Variants in PIAS2 observed in about 807,000 individuals in gnomAD.
The protein encoded by PIAS2 is protein inhibitor of activated STAT 2, also known as E3 SUMO-protein ligase PIAS2.
In PIAS2, 19 loss-of-function variants were observed where a neutral mutation model predicts 69.7. That is an observed-to-expected ratio of 0.27 (90% CI 0.19 to 0.40). The LOEUF (loss-of-function observed/expected upper bound fraction) is 0.40. Ranked by LOEUF, PIAS2 falls within the 10% of genes least tolerant of loss-of-function variation. The probability of loss-of-function intolerance (pLI) is 1.00; values close to 1 mark genes in which losing one functional copy is unlikely to be tolerated. For synonymous variants in PIAS2, 261 were observed against 263.2 expected, an observed-to-expected ratio of 0.99 and a Z score of 0.08; for missense variants, 624 against 757.0, an observed-to-expected ratio of 0.82 and a Z score of 2.06.
In PIAS2 at chr18:46,846,803, C is replaced by G. The variant is rs758183914; in HGVS notation, c.765G>C (p.Lys255Asn). The G allele has an allele frequency of 1.9e-6, 3 of 1,611,860 alleles. No individual in the cohort carries two copies. In the African/African-American group the frequency reaches 4.0e-5, roughly 22 times the overall value. ...TAATATTCAAGGGGCGTCCAGGGCG[C>G]TTCTGTTCAATCCCATTTTTAGGCG... is the stretch of plus-strand genomic sequence containing the variant. ...APPPKNGIEQ[K>N]RPGRPLNITS... The change falls in exon 6 of 14, where the codon AAG (lysine) becomes AAC (asparagine). Residue 255 changes from lysine (K) to asparagine (N), a missense_variant. Lys to Asn is a moderately conservative substitution (Grantham distance 94). This residue lies in a region of PIAS2 where 339 missense variants were observed against 408.8 expected (regional missense o/e 0.83). Coordinates refer to ENST00000585916, the MANE Select transcript of PIAS2 (RefSeq NM_004671.5).
chr18:46,864,388 T>A, intron 2 of PIAS2, 140 bp from the exon 3 acceptor site: 1 of 600,984 alleles, frequency 1.7e-6, no homozygotes, highest in Non-Finnish European at 2.9e-6. Flanking sequence ...AATCAGGAAG[T>A]ACTAAACTGC....
chr18:46,899,474 T>A (rs1366695389), intron 1 of PIAS2, among the ~76,000 whole-genome samples: 1 of 151,890 alleles, frequency 6.6e-6, no homozygotes, highest in African/African-American at 2.4e-5. Context: ...GAGGAATGAG[T>A]TATTTGTTGC....
intron 8 of PIAS2, among the ~76,000 whole-genome samples, chr18:46,840,140 G>A (rs2045139338): frequency 6.6e-6 from 1 of 151,654 alleles, no homozygotes; most frequent in South Asian, 2.1e-4. Context: ...CAGCCTGGAT[G>A]ACAGAGCAAG....
At chr18:46,877,575 T>G (rs1026150861) in intron 2 of PIAS2, among the ~76,000 whole-genome samples, 6 of 152,134 alleles carry the variant, frequency 3.9e-5, no homozygotes, top group African/African-American at 1.4e-4. Flanking sequence ...CCCAAACACG[T>G]CTTGTACCGT....
intron 13 of PIAS2, among the ~76,000 whole-genome samples, chr18:46,813,069 C>A (rs1009919192): frequency 1.3e-5 from 2 of 152,222 alleles, no homozygotes; most frequent in Non-Finnish European, 1.5e-5. Flanking sequence ...CAAACAGATC[C>A]TTTATGAATG....
chr18:46,870,308 G>A (rs1444697745), intron 2 of PIAS2, among the ~76,000 whole-genome samples: 1 of 152,090 alleles, frequency 6.6e-6, no homozygotes, highest in Non-Finnish European at 1.5e-5. Flanking sequence ...TAGCTCAGAA[G>A]TTCGAAATTT....
intron 3 of PIAS2, among the ~76,000 whole-genome samples, chr18:46,862,210 A>C (rs2048766718): frequency 6.6e-6 from 1 of 152,144 alleles, no homozygotes; most frequent in Non-Finnish European, 1.5e-5. Flanking sequence ...ACCTGCCTGT[A>C]GTCACAGCTA....
rs576566075 is a variant in PIAS2 at position 46,875,919 on chromosome 18, CTT to C, written c.500-11673_500-11672del. Among the ~76,000 whole-genome samples the C allele has an allele frequency of 1.3e-3, 198 of 152,340 alleles. 1 individual carries two copies. The highest frequency in any genetic ancestry group is 2.2e-3 in the Non-Finnish European group (152 of 68,028). ...GGTAATGAATTATGCCAAGCTCTCTCTTGGCTATTCCCTGAAGTTCGGCACCC... is the reference window on the plus strand; with the variant it reads ...GGTAATGAATTATGCCAAGCTCTCTCGGCTATTCCCTGAAGTTCGGCACCC... On this transcript the variant is annotated intron_variant, in intron 2 of 13. Transcript: ENST00000585916.
rs1284976418 is a variant in PIAS2 at position 46,810,630 on chromosome 18, C to T, written c.*1803G>A. On this transcript the variant is annotated 3_prime_UTR_variant, in exon 14 of 14. Coordinates refer to ENST00000585916, the MANE Select transcript of PIAS2 (RefSeq NM_004671.5). ...AAGCAGCCCCCACAAAGGGATAATC[C>T]ATTGAATAAGGAGACAATGTAGCCA... The T allele has an allele frequency of 1.3e-5, 2 of 151,464 alleles. No individual in the cohort carries two copies. The highest frequency in any genetic ancestry group is 4.8e-5 in the African/African-American group (2 of 41,238). 9.4% of individuals were successfully genotyped at this position (151,464 alleles called of 1,614,324 possible). A position where few individuals can be genotyped will look rare whatever the true frequency, so the allele number is the denominator to read the frequency against.
chr18:46,915,932 G>T (rs1374606619), intron 1 of PIAS2, among the ~76,000 whole-genome samples: 1 of 152,148 alleles, frequency 6.6e-6, no homozygotes, highest in Admixed American at 6.5e-5. Context: ...TTACAGAGGT[G>T]AGGTTCAGGG....
At chr18:46,888,192 T>C (rs2053507307) in intron 2 of PIAS2, among the ~76,000 whole-genome samples, 1 of 152,066 alleles carries the variant, frequency 6.6e-6, no homozygotes, top group African/African-American at 2.4e-5. Context: ...TGCTGAAAGA[T>C]ATTAAAGAAC....
chr18:46,890,552 A>G, intron 2 of PIAS2, 28 bp downstream of exon 2: 1 of 1,359,148 alleles, frequency 7.4e-7, no homozygotes, highest in Non-Finnish European at 1.0e-6. Flanking sequence ...TATCTTGTTC[A>G]GAAGAAACTG....
At chr18:46,854,918 T>A (rs2047517357) in intron 5 of PIAS2, among the ~76,000 whole-genome samples, 1 of 152,024 alleles carries the variant, frequency 6.6e-6, no homozygotes, top group African/African-American at 2.4e-5. Flanking sequence ...TCAACTATGC[T>A]GTTTGATATG....
chr18:46,917,535 G>A, upstream of PIAS2: 3 of 1,145,222 alleles, frequency 2.6e-6, no homozygotes, highest in Non-Finnish European at 3.2e-6. Flanking sequence ...CGCCTCCGAC[G>A]CGCCGAAGCC....
intron 13 of PIAS2, among the ~76,000 whole-genome samples, chr18:46,814,874 A>T (rs2041346696): frequency 6.6e-6 from 1 of 152,210 alleles, no homozygotes; most frequent in Admixed American, 6.5e-5. Flanking sequence ...GCCTCCCCAA[A>T]GTCCAAATCT....
chr18:46,866,295 T>C (rs1209644679), intron 2 of PIAS2, among the ~76,000 whole-genome samples: 3 of 152,192 alleles, frequency 2.0e-5, no homozygotes, highest in African/African-American at 4.8e-5. Context: ...TTGATTAATC[T>C]TGAAAGCAAC....
chr18:46,863,344 TG>T (rs1277870386), intron 3 of PIAS2, among the ~76,000 whole-genome samples: 12 of 152,170 alleles, frequency 7.9e-5, no homozygotes, highest in African/African-American at 2.7e-4. Flanking sequence ...TTTTTTCAGA[TG>T]GGGTCTCGCT....
chr18:46,820,232 GGCA>G (rs1217705020), intron 12 of PIAS2, among the ~76,000 whole-genome samples: 2 of 151,934 alleles, frequency 1.3e-5, no homozygotes, highest in Non-Finnish European at 2.9e-5. Flanking sequence ...ACTTAATAAT[GGCA>G]CCAAAGTGAT....
chr18:46,855,693 G>T (rs1393818826), intron 3 of PIAS2, 78 bp from the exon 4 acceptor site: 1 of 1,066,464 alleles, frequency 9.4e-7, no homozygotes. Flanking sequence ...AGGAAAAAAA[G>T]GAAAAGCATT....
Sources: allele counts gnomAD v4.1 joint callset (sites outside exome capture counted in the v4.1 genomes callset), GRCh38; gene constraint gnomAD v4.1.1; regional missense constraint gnomAD v4.1.1; transcripts MANE v1.5; gene names NCBI Gene and HGNC (gene_info 2026-07-23, HGNC 2026-07-21).